ZNF490: variants seen among roughly 807,000 people sequenced by gnomAD.
ZNF490 encodes zinc finger protein 490.
A neutral mutation model predicts 17.7 loss-of-function variants in ZNF490; 11 were observed. The observed-to-expected ratio is 0.62, with a 90% CI of 0.39 to 1.03. The LOEUF is 1.03. Among genes scored for constraint, ZNF490 ranks in the 50% least tolerant of loss-of-function variants. The pLI, the probability that ZNF490 is intolerant of heterozygous loss-of-function variation, is 0.00. For missense variants in ZNF490, 542 were observed against 643.4 expected (o/e 0.84, Z 1.71); for synonymous variants, 222 against 216.1 (o/e 1.03, Z -0.24).
intron 2 of ZNF490, among the ~76,000 whole-genome samples, chr19:12,596,660 G>A (rs961178675): frequency 6.6e-6 from 1 of 152,146 alleles, no homozygotes; most frequent in African/African-American, 2.4e-5. Flanking sequence ...GCGAGACCGT[G>A]TCAAAAACAA....
At chr19:12,602,494 G>A (rs533825804) in intron 2 of ZNF490, among the ~76,000 whole-genome samples, 120 of 152,182 alleles carry the variant, frequency 7.9e-4, no homozygotes, top group African/African-American at 2.8e-3. Context: ...AGGTTGCAGC[G>A]AGCCGAGATG....
At position 12,610,619 on chromosome 19, in the gene ZNF490, C is replaced by T; in HGVS notation, c.62G>A (p.Ser21Asn). Residue 21 changes from serine to asparagine, a missense_variant, in exon 1 of 5, where the codon AGC becomes AAC. Physicochemically the swap from Ser to Asn is conservative, Grantham distance 46. Coordinates refer to ENST00000311437, the MANE Select transcript of ZNF490 (RefSeq NM_020714.3). ...MERPLEEQVQ[S>N]KWSSSQGRTG... is the part of the protein sequence containing the mutation. ...GCGGCCTTGACTAGACGACCACTTG[C>T]TCTGGACTTGCTCCTCGAGGGGTCG... 3 of 1,614,026 alleles carry T rather than the reference C, an allele frequency of 1.9e-6. No individual in the cohort carries two copies. Among genetic ancestry groups the T allele is most frequent in the Non-Finnish European group, 2.5e-6 (3 of 1,180,028 alleles).
chr19:12,595,117 GC>G (rs1217026601), intron 2 of ZNF490, among the ~76,000 whole-genome samples: 18 of 152,106 alleles, frequency 1.2e-4, no homozygotes, highest in African/African-American at 4.3e-4. Context: ...AGGCCTGAAA[GC>G]CAAGCACATG....
At chr19:12,605,712 C>T (rs751402515) in intron 2 of ZNF490, among the ~76,000 whole-genome samples, 1 of 152,124 alleles carries the variant, frequency 6.6e-6, no homozygotes, top group Non-Finnish European at 1.5e-5. Context: ...ACTCCGTCTC[C>T]AGGTAGATAC....
At chr19:12,600,122 G>T (rs1212337535) in intron 2 of ZNF490, among the ~76,000 whole-genome samples, 1 of 152,130 alleles carries the variant, frequency 6.6e-6, no homozygotes, top group African/African-American at 2.4e-5. Flanking sequence ...CAGCACTTTG[G>T]GAGGCCGAGG....
At chr19:12,593,472 A>G (rs967518590) in intron 2 of ZNF490, among the ~76,000 whole-genome samples, 4 of 151,658 alleles carry the variant, frequency 2.6e-5, no homozygotes, top group African/African-American at 9.7e-5. Context: ...CTGGTCTCGA[A>G]CTCCTGACCT....
intron 2 of ZNF490, among the ~76,000 whole-genome samples, chr19:12,603,284 C>T (rs2023028399): frequency 6.6e-6 from 1 of 151,856 alleles, no homozygotes; most frequent in Non-Finnish European, 1.5e-5. Context: ...CCCAGGAGTT[C>T]AAGACCAGCC....
intron 2 of ZNF490, among the ~76,000 whole-genome samples, chr19:12,595,760 G>A (rs949609432): frequency 2.0e-5 from 3 of 151,852 alleles, no homozygotes; most frequent in Admixed American, 1.3e-4. Flanking sequence ...GACCAGCCTG[G>A]CCAACCTGGC....
chr19:12,590,019 A>G (rs2022850063), intron 2 of ZNF490, among the ~76,000 whole-genome samples: 1 of 150,484 alleles, frequency 6.6e-6, no homozygotes, highest in African/African-American at 2.5e-5. Flanking sequence ...GGTTCAAGCA[A>G]TTCTCCTGCC....
In ZNF490 at chr19:12,583,025, CTAAAG is replaced by C. The variant is rs1415264746; in HGVS notation, c.290-120_290-116del. 6.3e-5 allele frequency: 52 copies of C among 822,788 alleles called. No homozygotes were observed. The Admixed American group carries it at 1.1e-3, about 17-fold the overall frequency. 51.0% of individuals were successfully genotyped at this position (822,788 alleles called of 1,614,324 possible). On this transcript the variant is annotated intron_variant, in intron 3 of 4. Coordinates refer to ENST00000311437, the MANE Select transcript of ZNF490 (RefSeq NM_020714.3). ...GCTATGACACTGTCTGATCTACTTACTAAAGTATTCTCTTCCCACATTTTTTTTTT... is the reference window on the plus strand; with the variant it reads ...GCTATGACACTGTCTGATCTACTTACTATTCTCTTCCCACATTTTTTTTTT...
intron 2 of ZNF490, among the ~76,000 whole-genome samples, chr19:12,600,944 G>A (rs537169970): frequency 6.6e-6 from 1 of 152,028 alleles, no homozygotes; most frequent in South Asian, 2.1e-4. Flanking sequence ...ACAAAAATTA[G>A]CCAGGTGTGG....
At chr19:12,581,911 T>C (rs993323154) in intron 4 of ZNF490, among the ~76,000 whole-genome samples, 187 bp from the exon 5 acceptor site, 4 of 152,024 alleles carry the variant, frequency 2.6e-5, no homozygotes, top group Non-Finnish European at 4.4e-5. Flanking sequence ...ATTATCAAAA[T>C]AGTTAAAAAA....
At chr19:12,593,304 G>C (rs2022894738) in intron 2 of ZNF490, among the ~76,000 whole-genome samples, 2 of 151,696 alleles carry the variant, frequency 1.3e-5, no homozygotes, top group Admixed American at 6.6e-5. Flanking sequence ...CTGAAATGCA[G>C]AGGCGCAATC....
chr19:12,578,581 A>G lies in ZNF490; in HGVS notation c.*1904T>C. 1 of 985,462 alleles carries G rather than the reference A, an allele frequency of 1.0e-6. No homozygotes were observed. The highest frequency in any genetic ancestry group is 1.2e-6 in the Non-Finnish European group (1 of 829,940). The allele number at this position is 985,462 out of a possible 1,614,324, so 61.0% of individuals were successfully genotyped here. On this transcript the variant is annotated 3_prime_UTR_variant, in exon 5 of 5. Transcript: ENST00000311437. ...GCCCTGGAATAATGCAATGCTGACA[A>G]TGTCTGTGAATTAGGATGTGCATAG...
chr19:12,596,226 CT>C (rs2022931244), intron 2 of ZNF490, among the ~76,000 whole-genome samples: 1 of 141,390 alleles, frequency 7.1e-6, no homozygotes, highest in Admixed American at 7.4e-5. Context: ...GATGGTGTCA[CT>C]GCACTCCAGT....
intron 1 of ZNF490, 146 bp from the exon 2 acceptor site, chr19:12,609,348 A>T (rs1453578889): frequency 1.5e-6 from 1 of 664,794 alleles, no homozygotes; most frequent in Non-Finnish European, 2.6e-6. Flanking sequence ...AGTTTTCAAG[A>T]TTACACTGTC....
chr19:12,597,423 C>T (rs554457560), intron 2 of ZNF490: 1 of 277,078 alleles, frequency 3.6e-6, no homozygotes, highest in Non-Finnish European at 7.3e-6. Context: ...GCCGAGCTAG[C>T]TTCCCAGAGT....
At chr19:12,604,418 A>C (rs10405331) in intron 2 of ZNF490, among the ~76,000 whole-genome samples, 1 of 152,130 alleles carries the variant, frequency 6.6e-6, no homozygotes, top group Non-Finnish European at 1.5e-5. Flanking sequence ...TTGGGAGGAC[A>C]AGGTGGGCGG....
chr19:12,609,011 T>G, intron 2 of ZNF490, 147 bp downstream of exon 2: 5 of 690,676 alleles, frequency 7.2e-6, no homozygotes, highest in East Asian at 2.7e-5. Flanking sequence ...AGGACATACC[T>G]GAGAGCCTGG....
Sources: gnomAD v4.1 joint callset for allele counts (sites outside exome capture counted in the v4.1 genomes callset) on GRCh38, gnomAD v4.1.1 for gene constraint, MANE v1.5 for transcripts, NCBI Gene and HGNC (gene_info 2026-07-23, HGNC 2026-07-21) for gene names.